Variants in NOTO observed in about 807,000 individuals in gnomAD.
The protein encoded by NOTO is homeobox protein notochord.
NOTO carries 19 observed loss-of-function variants against 20.5 expected under a neutral mutation model. That is an observed-to-expected ratio of 0.93 (90% CI 0.65 to 1.36). The LOEUF (loss-of-function observed/expected upper bound fraction) is 1.36, where lower values mean the gene tolerates loss of function less well. Among genes scored for constraint, NOTO ranks in the 40% most tolerant of loss-of-function variants. The pLI is 0.00. For missense variants in NOTO, 369 were observed against 336.2 expected (o/e 1.10, Z -0.76); for synonymous variants, 150 against 150.2 (o/e 1.00, Z 0.01).
Position 73,211,040 on chromosome 2 carries a change from C to A in NOTO, c.*111C>A. 2.3e-6 allele frequency: 2 copies of A among 857,702 alleles called. No homozygotes were observed. Among genetic ancestry groups the A allele is most frequent in the Admixed American group, 3.0e-5 (1 of 33,888 alleles). 53.1% of individuals were successfully genotyped at this position (857,702 alleles called of 1,614,324 possible). ...GAAAAGCCTCCTCAACCAGAAGAAT[C>A]TGAGCTGTCAAGCAGGGACCCCCTT... On this transcript the variant is annotated 3_prime_UTR_variant, in exon 3 of 3. Coordinates refer to ENST00000398468, the MANE Select transcript of NOTO (RefSeq NM_001134462.2).
At position 73,202,652 on chromosome 2, in the gene NOTO, G is replaced by A. The variant is rs1686019046; in HGVS notation, c.-15G>A. The A allele has an allele frequency of 1.4e-6, 2 of 1,436,956 alleles. No individual in the cohort carries two copies. The highest frequency in any genetic ancestry group is 1.8e-6 in the Non-Finnish European group (2 of 1,104,822). The allele number at this position is 1,436,956 out of a possible 1,614,324, so 89.0% of individuals were successfully genotyped here. A position where few individuals can be genotyped will look rare whatever the true frequency, so the allele number is the denominator to read the frequency against. Reference sequence around the variant, plus strand: ...GAGCTCCCTTCCTTGCGTCCGTCCGGGCAACGGCCGCGTCATGCCTAGCCC... The same window carrying A: ...GAGCTCCCTTCCTTGCGTCCGTCCGAGCAACGGCCGCGTCATGCCTAGCCC... On this transcript the variant is annotated 5_prime_UTR_variant, in exon 1 of 3. Coordinates refer to ENST00000398468, the MANE Select transcript of NOTO (RefSeq NM_001134462.2).
At position 73,210,906 on chromosome 2, in the gene NOTO, G is replaced by C. The variant is rs745785173; in HGVS notation, c.733G>C (p.Ala245Pro). Residue 245 changes from alanine (A) to proline (P), a missense_variant, in exon 3 of 3, where the codon GCC becomes CCC. Transcript: ENST00000398468. ...CATCGCCAGTATCCAGAGTGATGAT[G>C]CCGAGTCAGGAGTGGACGGCTGAAG... ...SSIASIQSDD[A>P]ESGVDG 1.3e-6 allele frequency: 2 copies of C among 1,551,428 alleles called. No homozygotes were observed. The highest frequency in any genetic ancestry group is 2.4e-5 in the South Asian group (2 of 83,996).
rs887558127 is a variant in NOTO, at chr2:73,208,525, G to T, written c.508G>T (p.Glu170Ter). 1 of 1,551,690 alleles carries T rather than the reference G, an allele frequency of 6.4e-7. No homozygotes were observed. The highest frequency in any genetic ancestry group is 2.4e-5 in the East Asian group (1 of 40,926). The stretch of plus-strand genomic sequence containing the variant: ...TATGTTTAACTTGGAGCAGCTGGAA[G>T]AGTTGGAGAAAGTGTTTGCAAAACA... ...RTMFNLEQLE[E>*]LEKVFAKQHN... The change falls in exon 2 of 3, where the codon GAG becomes TAG. Residue 170 changes from glutamate to a stop codon, truncating the protein, a stop_gained. Transcript: ENST00000398468. LOFTEE classifies it high-confidence loss of function.
Position 73,202,735 on chromosome 2 carries a change from C to G in NOTO, c.69C>G (p.Arg23=). ...APSGSRVRPP[R]SGRSPAPRSP... is the part of the protein sequence containing the mutation. ...CGGGCTCTCGGGTCCGACCTCCGCG[C>G]TCTGGCCGCTCTCCGGCGCCCAGGT... The change falls in exon 1 of 3, where the codon CGC becomes CGG. Residue 23 remains arginine, a synonymous_variant. Coordinates refer to ENST00000398468, the MANE Select transcript of NOTO (RefSeq NM_001134462.2). 1 of 1,519,828 alleles carries G rather than the reference C, an allele frequency of 6.6e-7. No homozygotes were observed. Among genetic ancestry groups the G allele is most frequent in the Non-Finnish European group, 8.8e-7 (1 of 1,139,802 alleles). 94.1% of individuals were successfully genotyped at this position (1,519,828 alleles called of 1,614,324 possible). A position where few individuals can be genotyped will look rare whatever the true frequency, so the allele number is the denominator to read the frequency against.
intron 1 of NOTO, among the ~76,000 whole-genome samples, chr2:73,207,233 G>A (rs539828002): frequency 6.6e-6 from 1 of 152,226 alleles, no homozygotes; most frequent in South Asian, 2.1e-4. Context: ...GTCTACCTTG[G>A]CAGGCACAGT....
intron 2 of NOTO, among the ~76,000 whole-genome samples, chr2:73,209,863 C>T (rs766280896): frequency 9.2e-5 from 14 of 152,152 alleles, no homozygotes; most frequent in South Asian, 4.1e-4. Context: ...ATGACCCCAC[C>T]GTCCACCTGG....
chr2:73,206,578 A>G (rs1486192087), intron 1 of NOTO, among the ~76,000 whole-genome samples: 1 of 151,976 alleles, frequency 6.6e-6, no homozygotes, highest in Admixed American at 6.6e-5. Flanking sequence ...GGCTCAAGCG[A>G]TGGGCCCATC....
intron 2 of NOTO, among the ~76,000 whole-genome samples, chr2:73,210,170 C>T (rs983523539): frequency 6.6e-6 from 1 of 152,210 alleles, no homozygotes; most frequent in African/African-American, 2.4e-5. Context: ...TATGGCCTTC[C>T]AGGTCCTGGG....
Position 73,202,880 on chromosome 2 carries a change from G to T in NOTO, c.214G>T (p.Ala72Ser), listed in dbSNP as rs1029006770. Reference protein sequence around the residue: ...APAASQPSGSACVHPAFWTAA... With the variant: ...APAASQPSGSSCVHPAFWTAA... The stretch of plus-strand genomic sequence containing the variant: ...GGCGGCCTCCCAGCCGTCGGGCTCC[G>T]CCTGCGTCCACCCGGCCTTCTGGAC... Residue 72 changes from alanine (A) to serine (S), a missense_variant, in exon 1 of 3, where the codon GCC (alanine) becomes TCC (serine). Transcript: ENST00000398468. The T allele has an allele frequency of 2.0e-6, 3 of 1,527,284 alleles. No homozygotes were observed. The highest frequency in any genetic ancestry group is 2.6e-6 in the Non-Finnish European group (3 of 1,142,328). The allele number at this position is 1,527,284 out of a possible 1,614,324, so 94.6% of individuals were successfully genotyped here. A position where few individuals can be genotyped will look rare whatever the true frequency, so the allele number is the denominator to read the frequency against.
In NOTO at chr2:73,202,868, C is replaced by G. The variant is rs1016383359; in HGVS notation, c.202C>G (p.Pro68Ala). ...PDPCAPAASQPSGSACVHPAF... is the reference protein window; with the variant it reads ...PDPCAPAASQASGSACVHPAF... ...CCCCTGCGCGCCGGCGGCCTCCCAGCCGTCGGGCTCCGCCTGCGTCCACCC... is the reference window on the plus strand; with the variant it reads ...CCCCTGCGCGCCGGCGGCCTCCCAGGCGTCGGGCTCCGCCTGCGTCCACCC... The change falls in exon 1 of 3, where the codon CCG (proline) becomes GCG (alanine). Residue 68 changes from proline (P) to alanine (A), a missense_variant. Physicochemically the swap from Pro to Ala is conservative, Grantham distance 27. Coordinates refer to ENST00000398468, the MANE Select transcript of NOTO (RefSeq NM_001134462.2). The G allele has an allele frequency of 4.6e-6, 7 of 1,526,638 alleles. No homozygotes were observed. The Admixed American group carries it at 7.9e-5, about 17-fold the overall frequency. The allele number at this position is 1,526,638 out of a possible 1,614,324, so 94.6% of individuals were successfully genotyped here.
intron 1 of NOTO, among the ~76,000 whole-genome samples, chr2:73,206,083 A>G (rs1193269829): frequency 6.6e-6 from 1 of 152,120 alleles, no homozygotes; most frequent in Non-Finnish European, 1.5e-5. Context: ...CTGTGAAGTC[A>G]TAAAATAACT....
chr2:73,204,312 A>T (rs537102877), intron 1 of NOTO, among the ~76,000 whole-genome samples: 1 of 152,210 alleles, frequency 6.6e-6, no homozygotes, highest in South Asian at 2.1e-4. Flanking sequence ...GTAACTATAG[A>T]GGGAACTTTG....
At chr2:73,207,437 C>T (rs4852914) in intron 1 of NOTO, among the ~76,000 whole-genome samples, 39,819 of 152,148 alleles carry the variant, frequency 0.26, 6,478 homozygotes, top group South Asian at 0.41. Context: ...CTCACTCCCT[C>T]ATCCCCATCA....
chr2:73,206,504 A>C (rs1686090561), intron 1 of NOTO, among the ~76,000 whole-genome samples: 1 of 151,854 alleles, frequency 6.6e-6, no homozygotes, highest in African/African-American at 2.4e-5. Context: ...ACACCTGACT[A>C]ATTTTTGTAT....
intron 1 of NOTO, among the ~76,000 whole-genome samples, chr2:73,206,837 C>T (rs1372613343): frequency 1.4e-5 from 2 of 147,874 alleles, no homozygotes; most frequent in African/African-American, 5.1e-5. Context: ...CTCTATCACC[C>T]AGGCTGGAAT....
At chr2:73,204,227 G>A (rs1490264396) in intron 1 of NOTO, among the ~76,000 whole-genome samples, 1 of 152,046 alleles carries the variant, frequency 6.6e-6, no homozygotes, top group Non-Finnish European at 1.5e-5. Flanking sequence ...GCATTAAGCC[G>A]AGATTGCGCC....
intron 2 of NOTO, among the ~76,000 whole-genome samples, chr2:73,210,244 G>A (rs975790079): frequency 2.0e-5 from 3 of 152,142 alleles, no homozygotes; most frequent in Admixed American, 6.5e-5. Flanking sequence ...ACTGTCATCC[G>A]TGCTCTCCTC....
rs1028137434 is a variant in NOTO, at chr2:73,210,880, C to T, written c.707C>T (p.Ser236Phe). The change falls in exon 3 of 3, where the codon TCC becomes TTC. Residue 236 changes from serine (S) to phenylalanine (F), a missense_variant. Ser to Phe is a radical substitution (Grantham distance 155, BLOSUM62 -2). Coordinates refer to ENST00000398468, the MANE Select transcript of NOTO (RefSeq NM_001134462.2). ...AASLDEPSSS[S>F]IASIQSDDAE... ...TCCCTGGATGAGCCTTCCAGCAGCT[C>T]CATCGCCAGTATCCAGAGTGATGAT... 2.5e-5 allele frequency: 39 copies of T among 1,551,580 alleles called. 1 individual carries two copies. The Admixed American group carries it at 2.9e-4, about 12-fold the overall frequency.
chr2:73,208,318 T>C, intron 1 of NOTO, 82 bp from the exon 2 acceptor site: 1 of 877,922 alleles, frequency 1.1e-6, no homozygotes, highest in Non-Finnish European at 1.8e-6. Context: ...CCTTCTCATT[T>C]TGCCCAGATG....
Sources: gnomAD v4.1 joint callset for allele counts (sites outside exome capture counted in the v4.1 genomes callset) on GRCh38, gnomAD v4.1.1 for gene constraint, MANE v1.5 for transcripts, NCBI Gene and HGNC (gene_info 2026-07-23, HGNC 2026-07-21) for gene names.